Variants in FAAH2 observed in about 807,000 individuals in gnomAD.
FAAH2 encodes fatty acid amide hydrolase 2.
In FAAH2, 60 loss-of-function variants were observed where a neutral mutation model predicts 36.9. The ratio of observed to expected loss-of-function variants is 1.63; its 90% CI spans 1.32 to 2.02. FAAH2 has a LOEUF of 2.02. Ranked by LOEUF, FAAH2 falls within the 30% of genes most tolerant of loss-of-function variation. The pLI is 0.00. For synonymous variants in FAAH2, 214 were observed against 143.8 expected (o/e 1.49, Z -3.49); for missense variants, 689 against 397.5 (o/e 1.73, Z -6.23).
chrX:57,425,102 A>G (rs1267116732), intron 7 of FAAH2, among the ~76,000 whole-genome samples: 1 of 111,817 alleles, frequency 8.9e-6, no homozygotes, highest in Non-Finnish European at 1.9e-5. Flanking sequence ...AACCTTCAAC[A>G]GTAGACTAGG....
the FAAH2 span, among the ~76,000 whole-genome samples, chrX:57,189,411 A>G: frequency 9.1e-6 from 1 of 109,622 alleles, no homozygotes; most frequent in Non-Finnish European, 1.9e-5. Flanking sequence ...CTCATTCTCC[A>G]TCCAGTTTTG....
At chrX:57,170,697 ATGTGTGTGTGTG>A in the FAAH2 span, among the ~76,000 whole-genome samples, 1 of 100,110 alleles carries the variant, frequency 1.0e-5, no homozygotes, top group South Asian at 4.6e-4. Flanking sequence ...TATTTACTTT[ATGTGTGTGTGTG>A]TGTGTGTGTG....
At chrX:57,215,562 A>G in the FAAH2 span, among the ~76,000 whole-genome samples, 102 of 111,686 alleles carry the variant, frequency 9.1e-4, no homozygotes, top group South Asian at 0.035. Flanking sequence ...CATGGAACCA[A>G]CCCAAATGCC....
intron 10 of FAAH2, chrX:57,452,139 A>G (rs2056796093): frequency 1.3e-6 from 1 of 751,469 alleles, no homozygotes; most frequent in Non-Finnish European, 1.6e-6. Context: ...AGGTGTCTGT[A>G]CTCAAAGATC....
chrX:57,378,933 G>T, intron 6 of FAAH2, 147 bp downstream of exon 6: 2 of 629,154 alleles, frequency 3.2e-6, no homozygotes, highest in South Asian at 6.3e-5. Context: ...ACTTATATAA[G>T]TGGATACCAT....
At chrX:57,356,645 T>C (rs2054163769) in intron 5 of FAAH2, among the ~76,000 whole-genome samples, 1 of 111,156 alleles carries the variant, frequency 9.0e-6, no homozygotes. Context: ...TTCTCTTTTT[T>C]CTTAGTCAAC....
At chrX:57,208,162 T>C in the FAAH2 span, among the ~76,000 whole-genome samples, 44 of 112,217 alleles carry the variant, frequency 3.9e-4, no homozygotes, top group Non-Finnish European at 7.1e-4. Context: ...TTTCACCCAG[T>C]ATTCTCCGGA....
At chrX:57,242,729 A>G in the FAAH2 span, among the ~76,000 whole-genome samples, 1 of 112,008 alleles carries the variant, frequency 8.9e-6, no homozygotes, top group African/African-American at 3.3e-5. Flanking sequence ...ATTCCAACCC[A>G]CATACTATGC....
chrX:57,211,281 T>C, the FAAH2 span, among the ~76,000 whole-genome samples: 1 of 112,132 alleles, frequency 8.9e-6, no homozygotes. Context: ...CTCTCTTTCC[T>C]TGTGCTGCCT....
At chrX:57,145,245 C>CT in the FAAH2 span, among the ~76,000 whole-genome samples, 36 of 79,395 alleles carry the variant, frequency 4.5e-4, no homozygotes, top group Non-Finnish European at 7.3e-4. Context: ...TGATTATGAT[C>CT]ATTCTTTTGG....
At chrX:57,472,558 C>A (rs1009368835) in intron 10 of FAAH2, among the ~76,000 whole-genome samples, 2 of 111,625 alleles carry the variant, frequency 1.8e-5, no homozygotes, top group Non-Finnish European at 3.8e-5. Flanking sequence ...GACACCAGAT[C>A]TTTTCTGTAC....
chrX:57,260,304 C>T, the FAAH2 span, among the ~76,000 whole-genome samples: 1 of 111,254 alleles, frequency 9.0e-6, no homozygotes, highest in South Asian at 3.8e-4. Context: ...TGCTTTTTCA[C>T]CAAGGTACCA....
intron 5 of FAAH2, among the ~76,000 whole-genome samples, chrX:57,365,184 G>A (rs1266356453): frequency 8.9e-6 from 1 of 111,760 alleles, no homozygotes; most frequent in East Asian, 2.8e-4. Context: ...ATGTTTTTGT[G>A]GCTGCAGGTA....
intron 5 of FAAH2, among the ~76,000 whole-genome samples, chrX:57,352,036 ACATATATATATGTG>A (rs1218228909): frequency 0.3 from 3,166 of 10,612 alleles, 557 homozygotes; most frequent in East Asian, 0.58. Context: ...ATATATATAT[ACATATATATATGTG>A]TATATATATA....
intron 7 of FAAH2, among the ~76,000 whole-genome samples, chrX:57,419,579 T>G (rs2055950711): frequency 8.9e-6 from 1 of 111,876 alleles, no homozygotes; most frequent in Admixed American, 9.5e-5. Context: ...GTTTTTTTCT[T>G]GTAAATTTGT....
At chrX:57,312,848 A>G (rs2052733330) in intron 3 of FAAH2, among the ~76,000 whole-genome samples, 1 of 111,587 alleles carries the variant, frequency 9.0e-6, no homozygotes, top group South Asian at 3.7e-4. Flanking sequence ...TTGACCTCAA[A>G]ACAAGTCCAA....
upstream of FAAH2, among the ~76,000 whole-genome samples, chrX:57,284,606 G>A (rs1203274823): frequency 3.6e-5 from 4 of 111,722 alleles, no homozygotes. Flanking sequence ...TTTGTAAAGG[G>A]CCAGTCAATG....
At chrX:57,142,016 G>T in the FAAH2 span, among the ~76,000 whole-genome samples, 5 of 110,691 alleles carry the variant, frequency 4.5e-5, no homozygotes, top group African/African-American at 1.6e-4. Flanking sequence ...TCTTAGTCTA[G>T]CTGAAGGTTT....
chrX:57,380,270 C>T (rs1411966290), intron 6 of FAAH2, among the ~76,000 whole-genome samples: 1 of 111,287 alleles, frequency 9.0e-6, no homozygotes. Context: ...TCCATCTACC[C>T]TTGCCACTTC....
Sources: allele counts gnomAD v4.1 joint callset (sites outside exome capture counted in the v4.1 genomes callset), GRCh38; gene constraint gnomAD v4.1.1; transcripts MANE v1.5; gene names NCBI Gene and HGNC (gene_info 2026-07-23, HGNC 2026-07-21).